SH3RF2: variants seen among roughly 807,000 people sequenced by gnomAD.
The protein encoded by SH3RF2 is SH3 domain containing ring finger 2.
SH3RF2 carries 43 observed loss-of-function variants against 59.0 expected under a neutral mutation model. The observed-to-expected ratio is 0.73, with a 90% CI of 0.57 to 0.94. The LOEUF (loss-of-function observed/expected upper bound fraction) is 0.94, where lower values mean the gene tolerates loss of function less well. Among genes scored for constraint, SH3RF2 ranks in the 40% least tolerant of loss-of-function variants. The pLI, the probability that SH3RF2 is intolerant of heterozygous loss-of-function variation, is 0.00. For missense variants in SH3RF2, 930 were observed against 940.1 expected (o/e 0.99, Z 0.14); for synonymous variants, 391 against 391.5 (o/e 1.00, Z 0.01).
chr5:146,026,737 A>G (rs527494621), intron 5 of SH3RF2, among the ~76,000 whole-genome samples: 2 of 152,316 alleles, frequency 1.3e-5, no homozygotes, highest in East Asian at 3.9e-4. Context: ...GGGGTCAGCT[A>G]GATCTAGGAC....
chr5:145,962,634 T>C (rs1408221267), intron 2 of SH3RF2, among the ~76,000 whole-genome samples: 1 of 152,108 alleles, frequency 6.6e-6, no homozygotes, highest in Non-Finnish European at 1.5e-5. Flanking sequence ...CCCTTCTATA[T>C]CTTATGTATG....
intron 2 of SH3RF2, among the ~76,000 whole-genome samples, chr5:145,970,489 T>C (rs900991328): frequency 1.3e-5 from 2 of 152,224 alleles, no homozygotes; most frequent in Non-Finnish European, 2.9e-5. Flanking sequence ...CCATGGTACA[T>C]ATATACCACA....
At chr5:145,966,757 C>G (rs1367723968) in intron 2 of SH3RF2, among the ~76,000 whole-genome samples, 4 of 152,318 alleles carry the variant, frequency 2.6e-5, no homozygotes, top group East Asian at 3.9e-4. Flanking sequence ...CGTGGTGATT[C>G]ATGCCTGTAA....
intron 5 of SH3RF2, among the ~76,000 whole-genome samples, chr5:146,035,126 G>A (rs1269235670): frequency 1.1e-4 from 16 of 151,378 alleles, no homozygotes; most frequent in Admixed American, 9.2e-4. Flanking sequence ...AAAGAACAGA[G>A]ACAACTGCTT....
intron 6 of SH3RF2, among the ~76,000 whole-genome samples, chr5:146,048,751 A>G (rs772414774): frequency 6.6e-6 from 1 of 151,942 alleles, no homozygotes; most frequent in Non-Finnish European, 1.5e-5. Flanking sequence ...ATCAGTCCTG[A>G]TTGTCTTTAC....
At chr5:145,993,162 C>T (rs891008611) in intron 2 of SH3RF2, among the ~76,000 whole-genome samples, 2 of 152,184 alleles carry the variant, frequency 1.3e-5, no homozygotes, top group African/African-American at 4.8e-5. Flanking sequence ...AAAATTATCT[C>T]CTTTGACTCT....
chr5:146,004,102 A>G lies in SH3RF2; in HGVS notation c.693A>G (p.Ala231=). Residue 231 remains alanine (A), a synonymous_variant, in exon 4 of 10, where the codon GCA becomes GCG. Transcript: ENST00000359120. The part of the protein sequence containing the change: ...TVISRVDENW[A]EGKLGDKVGI... ...TCAGCCGAGTGGATGAGAACTGGGC[A>G]GAAGGCAAGTTAGGAGATAAAGTAG... 6.2e-7 allele frequency: 1 copy of G among 1,613,224 alleles called. No individual in the cohort carries two copies. The highest frequency in any genetic ancestry group is 8.5e-7 in the Non-Finnish European group (1 of 1,179,288).
intron 5 of SH3RF2, among the ~76,000 whole-genome samples, chr5:146,039,485 T>C (rs1478313347): frequency 2.0e-5 from 3 of 151,166 alleles, no homozygotes; most frequent in African/African-American, 4.9e-5. Context: ...CCATAAATAT[T>C]TGAAAAAAAA....
chr5:146,016,354 AGATGGATGGATGGATGGATGGATG>A (rs68055522), intron 5 of SH3RF2, among the ~76,000 whole-genome samples: 100 of 143,882 alleles, frequency 7.0e-4, no homozygotes, highest in African/African-American at 2.2e-3. Flanking sequence ...GTAGGTAAGT[AGATGGATGGATGGATGGATGGATG>A]GATGGATGGA....
intron 2 of SH3RF2, among the ~76,000 whole-genome samples, chr5:145,983,423 G>C (rs1580811181): frequency 6.6e-6 from 1 of 152,238 alleles, no homozygotes; most frequent in East Asian, 1.9e-4. Context: ...ATTTTCAAAA[G>C]AGTGACCATA....
chr5:145,941,550 G>A (rs1300986667), intron 2 of SH3RF2, among the ~76,000 whole-genome samples: 1 of 152,214 alleles, frequency 6.6e-6, no homozygotes, highest in Non-Finnish European at 1.5e-5. Context: ...AACTTGGCAA[G>A]CCTTCAAAAG....
chr5:146,005,468 A>G (rs1178864553), intron 4 of SH3RF2, among the ~76,000 whole-genome samples: 1 of 152,198 alleles, frequency 6.6e-6, no homozygotes, highest in Non-Finnish European at 1.5e-5. Context: ...TAGTCATAAG[A>G]GCTAAAGCAG....
chr5:146,009,737 C>T (rs1020840541), intron 4 of SH3RF2, among the ~76,000 whole-genome samples: 2 of 152,164 alleles, frequency 1.3e-5, no homozygotes, highest in Admixed American at 6.6e-5. Flanking sequence ...CATAATAATG[C>T]TCATTCCCCT....
intron 2 of SH3RF2, among the ~76,000 whole-genome samples, chr5:145,947,373 G>A (rs373325773): frequency 6.6e-6 from 1 of 152,152 alleles, no homozygotes; most frequent in Non-Finnish European, 1.5e-5. Context: ...TTCTGGGCAA[G>A]TTACTTAGTG....
In SH3RF2 at chr5:146,035,605, C is replaced by T. The variant is rs967227373; in HGVS notation, c.1060-12167C>T. Among the ~76,000 whole-genome samples the T allele has an allele frequency of 3.3e-5, 5 of 152,184 alleles. 1 individual carries two copies. The highest frequency in any genetic ancestry group is 6.5e-5 in the Admixed American group (1 of 15,282). ...ACCCAAGTTCCTAACAGTTATGCTC[C>T]CATGTCTCCTGTTTTGGTCTGCTGC... is the stretch of plus-strand genomic sequence containing the variant. On this transcript the variant is annotated intron_variant, in intron 5 of 9. Coordinates refer to ENST00000359120, the MANE Select transcript of SH3RF2 (RefSeq NM_152550.4).
intron 4 of SH3RF2, among the ~76,000 whole-genome samples, chr5:146,011,886 T>G (rs941155092): frequency 6.6e-6 from 1 of 152,212 alleles, no homozygotes; most frequent in African/African-American, 2.4e-5. Flanking sequence ...TTCTCCTGCC[T>G]GATTGCCCTG....
rs1760341847 is a variant in SH3RF2 at position 146,000,132 on chromosome 5, C to T, written c.453C>T (p.Ile151=). 1.2e-6 allele frequency: 2 copies of T among 1,613,852 alleles called. No individual in the cohort carries two copies. Among genetic ancestry groups the T allele is most frequent in the Middle Eastern group, 1.7e-4 (1 of 6,060 alleles). Residue 151 remains isoleucine (I), a synonymous_variant, in exon 3 of 10, where the codon ATC becomes ATT. Coordinates refer to ENST00000359120, the MANE Select transcript of SH3RF2 (RefSeq NM_152550.4). The stretch of plus-strand genomic sequence containing the variant: ...ACCTAAGGTTTAATAAGGGAGATAT[C>T]ATCCTTCTCCGGAGACAGCTTGATG... The part of the protein sequence containing the change: ...PGDLRFNKGD[I]ILLRRQLDEN...
At chr5:146,074,586 A>C (rs1039734905) in intron 9 of SH3RF2, among the ~76,000 whole-genome samples, 2 of 145,930 alleles carry the variant, frequency 1.4e-5, no homozygotes, top group African/African-American at 5.1e-5. Flanking sequence ...CTAAAAAAAA[A>C]ACAAAACAAA....
chr5:145,999,279 G>A (rs1022676015), intron 2 of SH3RF2, among the ~76,000 whole-genome samples: 4 of 152,158 alleles, frequency 2.6e-5, no homozygotes, highest in African/African-American at 4.8e-5. Flanking sequence ...TGGCTTGAGG[G>A]TCTGTTGTGT....
Sources: gnomAD v4.1 joint callset for allele counts (sites outside exome capture counted in the v4.1 genomes callset) on GRCh38, gnomAD v4.1.1 for gene constraint, MANE v1.5 for transcripts, NCBI Gene and HGNC (gene_info 2026-07-23, HGNC 2026-07-21) for gene names.